EPPK1: variants seen among roughly 807,000 people sequenced by gnomAD.
EPPK1 encodes the protein epiplakin 1.
For missense variants in EPPK1, 3,823 were observed against 3,673.3 expected, an observed-to-expected ratio of 1.04 and a Z score of -1.05; for synonymous variants, 1,862 against 1,721.2, an observed-to-expected ratio of 1.08 and a Z score of -2.03.
Position 143,867,929 on chromosome 8 carries a change from G to GT in EPPK1, c.5324dup (p.His1775GlnfsTer17). 1 of 1,613,572 alleles carries GT rather than the reference G, an allele frequency of 6.2e-7. No homozygotes were observed. Among genetic ancestry groups the GT allele is most frequent in the Non-Finnish European group, 8.5e-7 (1 of 1,179,858 alleles). On this transcript the variant is annotated frameshift_variant, in exon 2 of 2. Transcript: ENST00000615648. LOFTEE classifies it low-confidence loss of function (END_TRUNC). ...TTTTTGCAGTTCTGGATTGCAACACGTGTCTCGTGGCCTCATTGATGTACA... is the reference window on the plus strand; with the variant it reads ...TTTTTGCAGTTCTGGATTGCAACACGTTGTCTCGTGGCCTCATTGATGTACA...
At chr8:143,878,399 CACCCGCCGCACCCG>C (rs1819527608) in intron 1 of EPPK1, 25 bp downstream of exon 1, 1 of 79,902 alleles carries the variant, frequency 1.3e-5, no homozygotes, top group South Asian at 4.5e-4. Flanking sequence ...CACCTGCCCG[CACCCGCCGCACCCG>C]CCGCACCCGC....
chr8:143,867,564 C>T lies in EPPK1; in HGVS notation c.5690G>A (p.Gly1897Asp). The change falls in exon 2 of 2, where the codon GGC becomes GAC. Residue 1897 changes from glycine (G) to aspartate (D), a missense_variant. Transcript: ENST00000615648. Reference protein sequence around the residue: ...ECVKPYLEGSGCIAGVTVPST... With the variant: ...ECVKPYLEGSDCIAGVTVPST... ...GGGCACCGTGACCCCCGCAATGCAG[C>T]CGCTGCCTTCCAGATAGGGCTTCAC... 1 of 1,612,876 alleles carries T rather than the reference C, an allele frequency of 6.2e-7. No individual in the cohort carries two copies.
rs112235569 is a variant in EPPK1 at position 143,868,175 on chromosome 8, G to A, written c.5079C>T (p.Pro1693=). 446 of 1,613,078 alleles carry A rather than the reference G, an allele frequency of 2.8e-4. 2 individuals are homozygous for A. The African/African-American group carries it at 3.8e-3, about 14-fold the overall frequency. The change falls in exon 2 of 2, where the codon CCC becomes CCT. Residue 1693 remains proline, a synonymous_variant. Transcript: ENST00000615648. ...AQIATGGIID[P]VHSHRVPVDV... ...CCACGGGCACGCGGTGGCTGTGCAC[G>A]GGGTCGATGATGCCGCCCGTGGCGA...
rs1819268280 is a variant in EPPK1, at chr8:143,869,626, CCAG to C, written c.3625_3627del (p.Leu1209del). 1 of 1,581,576 alleles carries C rather than the reference CCAG, an allele frequency of 6.3e-7. No homozygotes were observed. The highest frequency in any genetic ancestry group is 8.6e-7 in the Non-Finnish European group (1 of 1,164,084). On this transcript the variant is annotated inframe_deletion, in exon 2 of 2. Coordinates refer to ENST00000615648, the MANE Select transcript of EPPK1 (RefSeq NM_031308.4). ...GTCTCCTGGGTGATGATGCCAGCATCCAGCAGCCAGACAGCGGGTACCTCACCC... is the reference window on the plus strand; with the variant it reads ...GTCTCCTGGGTGATGATGCCAGCATCCAGCCAGACAGCGGGTACCTCACCC...
Position 143,870,312 on chromosome 8 carries a change from C to T in EPPK1, c.2942G>A (p.Ser981Asn). The T allele has an allele frequency of 6.4e-7, 1 of 1,573,208 alleles. No homozygotes were observed. Among genetic ancestry groups the T allele is most frequent in the Non-Finnish European group, 8.6e-7 (1 of 1,165,436 alleles). The part of the protein sequence containing the change: ...GTIMDPHSPE[S>N]LSVDEAVRRG... ...GCGCACGGCCTCATCCACCGAGAGG[C>T]TCTCTGGGCTGTGAGGGTCCATGAT... is the stretch of plus-strand genomic sequence containing the variant. Residue 981 changes from serine to asparagine, a missense_variant, in exon 2 of 2, where the codon AGC becomes AAC. Transcript: ENST00000615648. The surrounding 1 kb of genome is among the most constrained non-coding windows in gnomAD (Gnocchi z 5.2).
In EPPK1 at chr8:143,868,967, C is replaced by T. The variant is rs781931068; in HGVS notation, c.4287G>A (p.Leu1429=). 1 of 1,610,646 alleles carries T rather than the reference C, an allele frequency of 6.2e-7. No individual in the cohort carries two copies. Among genetic ancestry groups the T allele is most frequent in the Non-Finnish European group, 8.5e-7 (1 of 1,179,834 alleles). Residue 1429 remains leucine, a synonymous_variant, in exon 2 of 2, where the codon TTG becomes TTA. Coordinates refer to ENST00000615648, the MANE Select transcript of EPPK1 (RefSeq NM_031308.4). The stretch of plus-strand genomic sequence containing the variant: ...TGTCTGAGGGCAGTGGCAACAGCAA[C>T]AATCCGGTCTCGGAGTCGCACACGC... ...ERCVCDSETG[L]LLLPLPSDTV...
chr8:143,870,569 G>A lies in EPPK1; in HGVS notation c.2685C>T (p.Ala895=), dbSNP rs563526779. ...CCAACAGCTGCTGGTCAATGATACC[G>A]GCCTCCAGGAGCTGGTGGACGGTGA... is the stretch of plus-strand genomic sequence containing the variant. ...SRVTVHQLLE[A]GIIDQQLLDQ... The change falls in exon 2 of 2, where the codon GCC becomes GCT. Residue 895 remains alanine (A), a synonymous_variant. Coordinates refer to ENST00000615648, the MANE Select transcript of EPPK1 (RefSeq NM_031308.4). This position sits in a 1 kb window ranked among gnomAD's most constrained non-coding sequence, Gnocchi z 5.2. 5.6e-6 allele frequency: 9 copies of A among 1,611,376 alleles called. No individual in the cohort carries two copies. Among genetic ancestry groups the A allele is most frequent in the Middle Eastern group, 3.3e-4 (2 of 6,034 alleles).
At chr8:143,873,345 G>T in intron 1 of EPPK1, 47 bp from the exon 2 acceptor site, 1 of 1,341,710 alleles carries the variant, frequency 7.5e-7, no homozygotes. Flanking sequence ...ATGGCCTGGT[G>T]GGCACGAGGG....
At chr8:143,874,191 A>G (rs1321376713) in intron 1 of EPPK1, among the ~76,000 whole-genome samples, 2 of 152,090 alleles carry the variant, frequency 1.3e-5, no homozygotes, top group Non-Finnish European at 2.9e-5. Context: ...TTCCACACAC[A>G]GCTGTACGAC....
Position 143,872,042 on chromosome 8 carries a change from C to A in EPPK1, c.1212G>T (p.Leu404=), listed in dbSNP as rs1819370825. ...LLDAQLATGG[L]VCPARRLRLP... ...GCCGGAGCCTGCGTGCTGGACAGAC[C>A]AGCCCGCCTGTGGCCAGCTGGGCAT... is the stretch of plus-strand genomic sequence containing the variant. The change falls in exon 2 of 2, where the codon CTG becomes CTT. Residue 404 remains leucine (L), a synonymous_variant. Coordinates refer to ENST00000615648, the MANE Select transcript of EPPK1 (RefSeq NM_031308.4). 1 of 1,557,918 alleles carries A rather than the reference C, an allele frequency of 6.4e-7. No individual in the cohort carries two copies. The highest frequency in any genetic ancestry group is 8.7e-7 in the Non-Finnish European group (1 of 1,152,502).
In EPPK1 at chr8:143,869,484, CCA is replaced by C; in HGVS notation, c.3768_3769del (p.Ala1258GlnfsTer33). ...GGCCTGGGCGATGCTGGCCTTGGCC[CCA>C]GAGGGCTGTAGCAGCACACCGGCCA... On this transcript the variant is annotated frameshift_variant, in exon 2 of 2. Coordinates refer to ENST00000615648, the MANE Select transcript of EPPK1 (RefSeq NM_031308.4). LOFTEE classifies it low-confidence loss of function (END_TRUNC). 1.4e-5 allele frequency: 22 copies of C among 1,549,134 alleles called. No individual in the cohort carries two copies. The highest frequency in any genetic ancestry group is 1.9e-5 in the Non-Finnish European group (22 of 1,152,372).
chr8:143,871,693 A>G lies in EPPK1; in HGVS notation c.1561T>C (p.Ser521Pro), dbSNP rs1554661267. ...WELLFSEAIS[S>P]EQRAMLAQQY... ...TGGGCCAGCATCGCCCTCTGCTCTG[A>G]GGAGATGGCCTCAGAGAAGAGCAGC... Residue 521 changes from serine (S) to proline (P), a missense_variant, in exon 2 of 2, where the codon TCA (serine) becomes CCA (proline). Physicochemically the swap from Ser to Pro is moderately conservative, Grantham distance 74 (BLOSUM62 -1). Transcript: ENST00000615648. 6.2e-7 allele frequency: 1 copy of G among 1,606,190 alleles called. No homozygotes were observed. The highest frequency in any genetic ancestry group is 8.5e-7 in the Non-Finnish European group (1 of 1,177,946).
At position 143,869,479 on chromosome 8, in the gene EPPK1, T is replaced by C. The variant is rs2130635780; in HGVS notation, c.3775A>G (p.Lys1259Glu). 2 of 1,550,710 alleles carry C rather than the reference T, an allele frequency of 1.3e-6. No homozygotes were observed. The highest frequency in any genetic ancestry group is 4.5e-5 in the East Asian group (2 of 44,288). Reference protein sequence around the residue: ...AGVLLQPSGAKASIAQAVRDG... With the variant: ...AGVLLQPSGAEASIAQAVRDG... ...CTCACGGCCTGGGCGATGCTGGCCT[T>C]GGCCCCAGAGGGCTGTAGCAGCACA... The change falls in exon 2 of 2, where the codon AAG (lysine) becomes GAG (glutamate). Residue 1259 changes from lysine to glutamate, a missense_variant. Transcript: ENST00000615648.
rs1436074776 is a variant in EPPK1 at position 143,866,311 on chromosome 8, T to C, written c.6943A>G (p.Thr2315Ala). 7.5e-5 allele frequency: 39 copies of C among 520,036 alleles called. No individual in the cohort carries two copies. The Admixed American group carries it at 1.1e-3, about 15-fold the overall frequency. 32.2% of individuals were successfully genotyped at this position (520,036 alleles called of 1,614,324 possible). The change falls in exon 2 of 2, where the codon ACC becomes GCC. Residue 2315 changes from threonine to alanine, a missense_variant. Coordinates refer to ENST00000615648, the MANE Select transcript of EPPK1 (RefSeq NM_031308.4). Reference sequence around the variant, plus strand: ...TGGAAGAGGGAGATCTGCTGCCCGGTGTAGGGGTCGGTGTAGCCGGTGACG... The same window carrying C: ...TGGAAGAGGGAGATCTGCTGCCCGGCGTAGGGGTCGGTGTAGCCGGTGACG... ...RAVTGYTDPY[T>A]GQQISLFQAM...
chr8:143,874,673 GTCAGTGT>G (rs1479923397), intron 1 of EPPK1, among the ~76,000 whole-genome samples: 1 of 152,148 alleles, frequency 6.6e-6, no homozygotes, highest in Non-Finnish European at 1.5e-5. Context: ...TAGGCCCCTG[GTCAGTGT>G]TCTGCACCCC....
Position 143,872,162 on chromosome 8 carries a change from T to C in EPPK1, c.1092A>G (p.Thr364=), listed in dbSNP as rs1554661460. 1 of 1,583,960 alleles carries C rather than the reference T, an allele frequency of 6.3e-7. No homozygotes were observed. Among genetic ancestry groups the C allele is most frequent in the Non-Finnish European group, 8.6e-7 (1 of 1,165,858 alleles). The change falls in exon 2 of 2, where the codon ACA becomes ACG. Residue 364 remains threonine (T), a synonymous_variant. Transcript: ENST00000615648. ...EQLLVAEQAV[T]GHHDPFSGSQ... Reference sequence around the variant, plus strand: ...AGCCACTGAAGGGGTCGTGGTGCCCTGTCACGGCCTGCTCGGCCACCAGGA... The same window carrying C: ...AGCCACTGAAGGGGTCGTGGTGCCCCGTCACGGCCTGCTCGGCCACCAGGA...
In EPPK1 at chr8:143,871,884, G is replaced by A. The variant is rs782173051; in HGVS notation, c.1370C>T (p.Thr457Ile). The change falls in exon 2 of 2, where the codon ACC becomes ATC. Residue 457 changes from threonine to isoleucine, a missense_variant. Transcript: ENST00000615648. ...RYEQLLALCVTDPETGLAFLP... is the reference protein window; with the variant it reads ...RYEQLLALCVIDPETGLAFLP... The stretch of plus-strand genomic sequence containing the variant: ...GAAGGCAAGCCCGGTCTCTGGGTCG[G>A]TGACACAGAGGGCCAGCAGCTGTTC... 5 of 1,610,028 alleles carry A rather than the reference G, an allele frequency of 3.1e-6. No homozygotes were observed. Among genetic ancestry groups the A allele is most frequent in the Non-Finnish European group, 4.2e-6 (5 of 1,179,758 alleles).
Position 143,866,852 on chromosome 8 carries a change from C to G in EPPK1, c.6402G>C (p.Glu2134Asp). The change falls in exon 2 of 2, where the codon GAG (glutamate) becomes GAC (aspartate). Residue 2134 changes from glutamate (E) to aspartate (D), a missense_variant. Coordinates refer to ENST00000615648, the MANE Select transcript of EPPK1 (RefSeq NM_031308.4). ...ALLNSEYVTE[E>D]KKLQLVRMYR... is the part of the protein sequence containing the mutation. ...ACATCCTCACCAGCTGGAGCTTCTT[C>G]TCCTCTGTCACGTATTCGGAATTCA... 6.2e-7 allele frequency: 1 copy of G among 1,613,376 alleles called. No homozygotes were observed. The highest frequency in any genetic ancestry group is 8.5e-7 in the Non-Finnish European group (1 of 1,179,874).
chr8:143,869,714 C>T lies in EPPK1; in HGVS notation c.3540G>A (p.Gln1180=), dbSNP rs782424850. The change falls in exon 2 of 2, where the codon CAG becomes CAA. Residue 1180 remains glutamine (Q), a synonymous_variant. Transcript: ENST00000615648. ...TTVPQLLASV[Q]RWVQETKLLA... ...GGAGCTTGGTCTCCTGTACCCACCT[C>T]TGCACAGAGGCTAGCAGCTGTGGCA... The T allele has an allele frequency of 6.3e-7, 1 of 1,597,736 alleles. No homozygotes were observed. Among genetic ancestry groups the T allele is most frequent in the East Asian group, 2.3e-5 (1 of 43,904 alleles).
Sources: allele counts gnomAD v4.1 joint callset (sites outside exome capture counted in the v4.1 genomes callset), GRCh38; gene constraint gnomAD v4.1.1; non-coding constraint Gnocchi (gnomAD v3.1); transcripts MANE v1.5; gene names NCBI Gene and HGNC (gene_info 2026-07-23, HGNC 2026-07-21).